The following PCLO variants were observed in gnomAD, a reference collection of about 807,000 sequenced individuals.
PCLO encodes the protein piccolo presynaptic cytomatrix protein.
PCLO carries 82 observed loss-of-function variants against 427.5 expected under a neutral mutation model. That is an observed-to-expected ratio of 0.19 (90% CI 0.16 to 0.23). PCLO has a LOEUF of 0.23. Among genes scored for constraint, PCLO ranks in the 10% least tolerant of loss-of-function variants. PCLO has a pLI of 1.00. For synonymous variants in PCLO, 2,357 were observed against 2,155.4 expected (o/e 1.09, Z -2.59); for missense variants, 6,239 against 6,115.9 (o/e 1.02, Z -0.67).
At chr7:82,875,970 G>A (rs1793359375) in intron 10 of PCLO, among the ~76,000 whole-genome samples, 1 of 152,016 alleles carries the variant, frequency 6.6e-6, no homozygotes, top group Non-Finnish European at 1.5e-5. Context: ...TGCCAACCAA[G>A]TTGTCATTCA....
At chr7:83,062,300 AAATCATAGGTAAAATTAAAATATCTTG>A in intron 3 of PCLO, among the ~76,000 whole-genome samples, 1 of 152,284 alleles carries the variant, frequency 6.6e-6, no homozygotes, top group Non-Finnish European at 1.5e-5. Flanking sequence ...CCAATGTGCT[AAATCATAGGTAAAATTAAAATATCTTG>A]AACTATAACA....
At chr7:82,944,678 G>C (rs772421757) in intron 6 of PCLO, among the ~76,000 whole-genome samples, 1 of 152,064 alleles carries the variant, frequency 6.6e-6, no homozygotes, top group Admixed American at 6.5e-5. Flanking sequence ...TACAGTTACC[G>C]GAACTTTTGA....
Position 83,155,303 on chromosome 7 carries a change from T to C in PCLO, c.1338A>G (p.Pro446=). 1.2e-6 allele frequency: 2 copies of C among 1,613,964 alleles called. No individual in the cohort carries two copies. Among genetic ancestry groups the C allele is most frequent in the Non-Finnish European group, 1.7e-6 (2 of 1,179,882 alleles). The change falls in exon 2 of 25, where the codon CCA becomes CCG. Residue 446 remains proline, a synonymous_variant. Transcript: ENST00000333891. ...CTGCCTGTTGAGCTGGAATCTTTCC[T>C]GGCCCAGGCTGCTGAACTGGAGTCT... ...PTKTPVQQPG[P]GKIPAQQAGP...
At chr7:83,096,828 A>T (rs868091869) in intron 3 of PCLO, among the ~76,000 whole-genome samples, 38 of 34,324 alleles carry the variant, frequency 1.1e-3, no homozygotes, top group East Asian at 4.8e-3. Context: ...TAAATATATA[A>T]AAATATATTA....
At chr7:82,870,042 C>T (rs1793192871) in intron 10 of PCLO, among the ~76,000 whole-genome samples, 1 of 151,874 alleles carries the variant, frequency 6.6e-6, no homozygotes, top group Non-Finnish European at 1.5e-5. Flanking sequence ...AATGCAATCT[C>T]TATCAAAATA....
At chr7:82,808,594 C>T (rs1241200710) in intron 20 of PCLO, among the ~76,000 whole-genome samples, 1 of 151,628 alleles carries the variant, frequency 6.6e-6, no homozygotes, top group African/African-American at 2.4e-5. Context: ...TAAATGCAAA[C>T]AAATAACATT....
chr7:82,807,796 A>G (rs1215195771), intron 20 of PCLO, among the ~76,000 whole-genome samples: 2 of 152,006 alleles, frequency 1.3e-5, no homozygotes, highest in African/African-American at 4.8e-5. Context: ...TTCCTAACTT[A>G]TAGACATCTG....
At position 82,809,404 on chromosome 7, in the gene PCLO, A is replaced by T. The variant is rs540644608; in HGVS notation, c.14792-3575T>A. Among the ~76,000 whole-genome samples the T allele has an allele frequency of 6.6e-5, 10 of 151,782 alleles. No homozygotes were observed. In the East Asian group the frequency reaches 9.7e-4, roughly 15 times the overall value. On this transcript the variant is annotated intron_variant, in intron 20 of 24. Transcript: ENST00000333891. ...ACTTTCTTGTATCTAAATTAAAGTT[A>T]TCTGTAAAGGCCTAGCTCAGAAATC...
rs146917515 is a variant in PCLO, at chr7:82,960,539, A to G, written c.4018-3604T>C. Among the ~76,000 whole-genome samples the G allele has an allele frequency of 1.4e-4, 22 of 152,326 alleles. No individual in the cohort carries two copies. The East Asian group carries it at 3.9e-3, about 27-fold the overall frequency. ...TTTTCGTGTACTATATCAAATAAAG[A>G]TTTAAACAGTATTATGTTTGTGTAT... On this transcript the variant is annotated intron_variant, in intron 4 of 24. Coordinates refer to ENST00000333891, the MANE Select transcript of PCLO (RefSeq NM_033026.6).
intron 3 of PCLO, among the ~76,000 whole-genome samples, chr7:83,077,308 A>G (rs1463255849): frequency 6.6e-6 from 1 of 152,090 alleles, no homozygotes; most frequent in African/African-American, 2.4e-5. Flanking sequence ...AGAAGAAGGC[A>G]AAGGGCTCGT....
At chr7:82,960,464 G>T (rs1357814140) in intron 4 of PCLO, among the ~76,000 whole-genome samples, 6 of 152,128 alleles carry the variant, frequency 3.9e-5, no homozygotes, top group Non-Finnish European at 8.8e-5. Context: ...AACCAGAAAT[G>T]AAAGTACCTG....
intron 22 of PCLO, among the ~76,000 whole-genome samples, chr7:82,790,603 A>G (rs1791080934): frequency 6.6e-6 from 1 of 152,172 alleles, no homozygotes. Context: ...ATACATTCAC[A>G]TCTGTCAGAA....
At chr7:83,124,742 G>A (rs1019970910) in intron 3 of PCLO, among the ~76,000 whole-genome samples, 1 of 151,910 alleles carries the variant, frequency 6.6e-6, no homozygotes, top group African/African-American at 2.4e-5. Flanking sequence ...TCCATCTCCC[G>A]CTTTCCACGG....
intron 9 of PCLO, among the ~76,000 whole-genome samples, chr7:82,901,379 A>C (rs1053210481): frequency 2.0e-5 from 3 of 152,066 alleles, no homozygotes; most frequent in Non-Finnish European, 4.4e-5. Flanking sequence ...CATATGTAGA[A>C]AGCTGAAACT....
intron 3 of PCLO, among the ~76,000 whole-genome samples, chr7:83,125,329 A>G (rs1210038364): frequency 1.3e-5 from 2 of 151,598 alleles, no homozygotes; most frequent in African/African-American, 4.9e-5. Context: ...CCCGCCCGGC[A>G]GCCGCCCCAT....
intron 3 of PCLO, among the ~76,000 whole-genome samples, chr7:83,045,546 C>T (rs1422434922): frequency 6.6e-6 from 1 of 152,104 alleles, no homozygotes; most frequent in Admixed American, 6.6e-5. Context: ...TATTCTGACT[C>T]ATGATAGCTA....
chr7:82,769,875 G>A (rs2158219), intron 22 of PCLO, among the ~76,000 whole-genome samples: 1 of 151,826 alleles, frequency 6.6e-6, no homozygotes. Context: ...ATTCCAAATC[G>A]ATAAAAACTC....
At chr7:82,925,838 C>G (rs1224504280) in intron 6 of PCLO, among the ~76,000 whole-genome samples, 1 of 150,258 alleles carries the variant, frequency 6.7e-6, no homozygotes, top group Admixed American at 6.7e-5. Context: ...ACCTCAGCCT[C>G]TGAGGTAGCT....
chr7:83,015,709 G>C (rs1788190414), intron 3 of PCLO, among the ~76,000 whole-genome samples: 1 of 152,062 alleles, frequency 6.6e-6, no homozygotes, highest in Admixed American at 6.6e-5. Flanking sequence ...GTAGCTAAAT[G>C]ACATATAGCC....
Sources: gnomAD v4.1 joint callset for allele counts (sites outside exome capture counted in the v4.1 genomes callset) on GRCh38, gnomAD v4.1.1 for gene constraint, MANE v1.5 for transcripts, NCBI Gene and HGNC (gene_info 2026-07-23, HGNC 2026-07-21) for gene names.